Variants in ROBO2 observed in about 807,000 individuals in gnomAD.
The protein encoded by ROBO2 is roundabout homolog 2.
Under a neutral mutation model 160.8 loss-of-function variants are expected in ROBO2, and 53 were observed. The ratio of observed to expected loss-of-function variants is 0.33; its 90% CI spans 0.26 to 0.41. The LOEUF (loss-of-function observed/expected upper bound fraction) is 0.41, where lower values mean the gene tolerates loss of function less well. Among genes scored for constraint, ROBO2 ranks in the 10% least tolerant of loss-of-function variants. The probability of loss-of-function intolerance (pLI) is 1.00; values close to 1 mark genes in which losing one functional copy is unlikely to be tolerated. For synonymous variants in ROBO2, 664 were observed against 611.7 expected, an observed-to-expected ratio of 1.09 and a Z score of -1.26; for missense variants, 1,577 against 1,722.4, an observed-to-expected ratio of 0.92 and a Z score of 1.49.
chr3:77,073,547 A>G (rs111753255), intron 1 of ROBO2, among the ~76,000 whole-genome samples: 101 of 152,212 alleles, frequency 6.6e-4, no homozygotes, highest in African/African-American at 2.3e-3. Flanking sequence ...CTCATTTTTC[A>G]CCCAGTGCCA....
intron 2 of ROBO2, among the ~76,000 whole-genome samples, chr3:76,632,328 G>A (rs1265767460): frequency 2.0e-5 from 3 of 152,188 alleles, no homozygotes; most frequent in African/African-American, 7.2e-5. Context: ...CTTTGTCACA[G>A]CTGAGCTGTC....
chr3:75,974,868 T>G (rs1278815542), intron 2 of ROBO2, among the ~76,000 whole-genome samples: 1 of 151,514 alleles, frequency 6.6e-6, no homozygotes, highest in Non-Finnish European at 1.5e-5. Flanking sequence ...GGAAAATAGT[T>G]TGTTGATCCC....
intron 2 of ROBO2, among the ~76,000 whole-genome samples, chr3:77,289,894 G>A (rs2060967326): frequency 6.6e-6 from 1 of 151,258 alleles, no homozygotes; most frequent in Non-Finnish European, 1.5e-5. Context: ...GGGAAGTTGA[G>A]CCTAGATCCC....
intron 2 of ROBO2, among the ~76,000 whole-genome samples, chr3:75,968,280 A>G (rs990358697): frequency 6.6e-6 from 1 of 151,426 alleles, no homozygotes; most frequent in Non-Finnish European, 1.5e-5. Context: ...GCGAGTCTAC[A>G]TTTATCATGT....
rs146081530 is a variant in ROBO2, at chr3:76,734,630, C to T, written c.110-363384C>T. The stretch of plus-strand genomic sequence containing the variant: ...CTTGGCTCAGGTCTAGTTCACAGTG[C>T]CCCAAACACACCTTTCCAGCATGAA... On this transcript the variant is annotated intron_variant, in intron 2 of 26. Coordinates refer to the ROBO2 transcript ENST00000487694. Among the ~76,000 whole-genome samples the T allele has an allele frequency of 2.2e-3, 340 of 152,276 alleles. 4 individuals carry two copies. The highest frequency in any genetic ancestry group is 0.022 in the South Asian group (105 of 4,828).
intron 2 of ROBO2, among the ~76,000 whole-genome samples, chr3:76,127,366 TA>T (rs1175977556): frequency 6.6e-6 from 1 of 152,108 alleles, no homozygotes; most frequent in African/African-American, 2.4e-5. Context: ...TGTTTCTTAA[TA>T]TAAGTCTAAA....
chr3:76,455,839 T>G (rs1389838910), intron 2 of ROBO2, among the ~76,000 whole-genome samples: 1 of 152,168 alleles, frequency 6.6e-6, no homozygotes, highest in Non-Finnish European at 1.5e-5. Context: ...TATTAGTTTT[T>G]ATTTGTCTGC....
chr3:76,861,323 A>G (rs911348178), intron 2 of ROBO2, among the ~76,000 whole-genome samples: 7 of 152,310 alleles, frequency 4.6e-5, no homozygotes, highest in African/African-American at 1.4e-4. Context: ...AGTCTAAGGT[A>G]TTATCTTACT....
At chr3:76,322,896 A>G (rs1027854642) in intron 2 of ROBO2, among the ~76,000 whole-genome samples, 3 of 152,148 alleles carry the variant, frequency 2.0e-5, no homozygotes, top group Middle Eastern at 6.3e-3. Flanking sequence ...TGCTAAATTT[A>G]TTTGAAATAT....
At chr3:76,808,106 A>C (rs185945223) in intron 2 of ROBO2, among the ~76,000 whole-genome samples, 1 of 152,148 alleles carries the variant, frequency 6.6e-6, no homozygotes, top group Admixed American at 6.6e-5. Flanking sequence ...ACTTCAAAGG[A>C]TATGATGAAT....
At chr3:76,867,516 T>C (rs2071505338) in intron 2 of ROBO2, among the ~76,000 whole-genome samples, 2 of 152,230 alleles carry the variant, frequency 1.3e-5, no homozygotes, top group Non-Finnish European at 2.9e-5. Context: ...AGGCCACTAT[T>C]GCTAAAGCTC....
intron 2 of ROBO2, among the ~76,000 whole-genome samples, chr3:76,727,673 T>C (rs961353948): frequency 1.3e-5 from 2 of 152,048 alleles, no homozygotes; most frequent in Admixed American, 6.6e-5. Flanking sequence ...TCTCATTCAT[T>C]TGTGGAAGCT....
intron 2 of ROBO2, among the ~76,000 whole-genome samples, chr3:76,561,515 T>C (rs1370823847): frequency 6.6e-6 from 1 of 152,152 alleles, no homozygotes; most frequent in Non-Finnish European, 1.5e-5. Flanking sequence ...AAATAACTGA[T>C]TATTGTTAAG....
At chr3:77,455,245 T>C (rs1472295131) in intron 2 of ROBO2, among the ~76,000 whole-genome samples, 1 of 152,164 alleles carries the variant, frequency 6.6e-6, no homozygotes, top group Non-Finnish European at 1.5e-5. Context: ...AAATACTGAA[T>C]CATTGACGGA....
chr3:75,959,103 G>T (rs556807178), intron 2 of ROBO2, among the ~76,000 whole-genome samples: 8 of 151,830 alleles, frequency 5.3e-5, no homozygotes, highest in Middle Eastern at 3.4e-3. Context: ...AGAGCATTTA[G>T]AAAGTAGACA....
At chr3:76,190,152 C>G (rs1279162571) in intron 2 of ROBO2, among the ~76,000 whole-genome samples, 2 of 152,050 alleles carry the variant, frequency 1.3e-5, no homozygotes, top group African/African-American at 2.4e-5. Context: ...TCACAATATC[C>G]TGTCTATATT....
chr3:77,079,066 C>T (rs2068335956), intron 1 of ROBO2, among the ~76,000 whole-genome samples: 1 of 152,082 alleles, frequency 6.6e-6, no homozygotes, highest in South Asian at 2.1e-4. Context: ...CCCGCCTCAG[C>T]CTCCTGAGTA....
At chr3:77,421,165 G>A (rs1166290879) in intron 2 of ROBO2, among the ~76,000 whole-genome samples, 1 of 152,108 alleles carries the variant, frequency 6.6e-6, no homozygotes, top group East Asian at 1.9e-4. Flanking sequence ...TTTTTAATCT[G>A]TAAAGTAGAA....
chr3:77,465,809 C>T (rs910324519), intron 2 of ROBO2, among the ~76,000 whole-genome samples: 2 of 152,164 alleles, frequency 1.3e-5, no homozygotes, highest in African/African-American at 4.8e-5. Flanking sequence ...ATGTAAGAAA[C>T]TGTGCTTTTC....
Sources: gnomAD v4.1 joint callset for allele counts (sites outside exome capture counted in the v4.1 genomes callset) on GRCh38, gnomAD v4.1.1 for gene constraint, MANE v1.5 for transcripts, NCBI Gene and HGNC (gene_info 2026-07-23, HGNC 2026-07-21) for gene names.